Variants in HECTD4 observed in about 807,000 individuals in gnomAD.
The protein encoded by HECTD4 is HECT domain E3 ubiquitin protein ligase 4, also known as probable E3 ubiquitin-protein ligase HECTD4.
A neutral mutation model predicts 471.5 loss-of-function variants in HECTD4; 114 were observed. That is an observed-to-expected ratio of 0.24 (90% CI 0.21 to 0.28). The LOEUF (loss-of-function observed/expected upper bound fraction) is 0.28, where lower values mean the gene tolerates loss of function less well. Ranked by LOEUF, HECTD4 falls within the 10% of genes least tolerant of loss-of-function variation. HECTD4 has a pLI of 1.00. For missense variants in HECTD4, 3,866 were observed against 5,651.5 expected, an observed-to-expected ratio of 0.68 and a Z score of 10.13; for synonymous variants, 2,012 against 2,256.0, an observed-to-expected ratio of 0.89 and a Z score of 3.07.
At chr12:112,203,848 T>C in intron 53 of HECTD4, 76 bp from the exon 54 acceptor site, 1 of 815,342 alleles carries the variant, frequency 1.2e-6, no homozygotes, top group South Asian at 2.4e-5. Context: ...GCATCTAAAA[T>C]AGCTCTCCAG....
At position 112,207,603 on chromosome 12, in the gene HECTD4, T is replaced by C. The variant is rs548611225; in HGVS notation, c.8131+271A>G. On this transcript the variant is annotated intron_variant, in intron 52 of 75. Coordinates refer to ENST00000682272, the MANE Select transcript of HECTD4 (RefSeq NM_001388303.1). ...AAACAGTATGACTTCAGATGTGAAC[T>C]GTTAACCACCAGACCACAGAGTTTC... Among the ~76,000 whole-genome samples the C allele has an allele frequency of 1.5e-4, 23 of 152,284 alleles. No individual in the cohort carries two copies. In the South Asian group the frequency reaches 4.8e-3, roughly 32 times the overall value.
At chr12:112,238,564 C>A (rs1367355470) in intron 34 of HECTD4, among the ~76,000 whole-genome samples, 1 of 151,972 alleles carries the variant, frequency 6.6e-6, no homozygotes, top group East Asian at 1.9e-4. Flanking sequence ...TAAAAACAAA[C>A]AACAACAACA....
At chr12:112,204,166 T>C (rs1463505090) in intron 53 of HECTD4, among the ~76,000 whole-genome samples, 3 of 152,170 alleles carry the variant, frequency 2.0e-5, no homozygotes, top group Non-Finnish European at 4.4e-5. Flanking sequence ...CCTCAGCCTC[T>C]AGAGTAGCTG....
intron 1 of HECTD4, chr12:112,322,963 C>A: frequency 6.0e-6 from 1 of 166,786 alleles, no homozygotes; most frequent in South Asian, 1.6e-4. Flanking sequence ...CACACCCAGT[C>A]AACACACCTG....
At chr12:112,313,993 T>G (rs1318430158) in intron 3 of HECTD4, among the ~76,000 whole-genome samples, 1 of 152,168 alleles carries the variant, frequency 6.6e-6, no homozygotes, top group African/African-American at 2.4e-5. Context: ...CATTATACCT[T>G]AATATATTAT....
At position 112,335,022 on chromosome 12, in the gene HECTD4, G is replaced by T. The variant is rs138073165; in HGVS notation, c.178-15280C>A. On this transcript the variant is annotated intron_variant, in intron 1 of 75. Transcript: ENST00000682272. ...TACTGCATATCTACCCAGAAGAAAAGAAGTCATTATACAAAAAAGATACTT... is the reference window on the plus strand; with the variant it reads ...TACTGCATATCTACCCAGAAGAAAATAAGTCATTATACAAAAAAGATACTT... 5.0e-3 allele frequency among the ~76,000 whole-genome samples: 763 copies of T among 152,186 alleles called. 3 individuals carry two copies. Among genetic ancestry groups the T allele is most frequent in the South Asian group, 0.015 (73 of 4,818 alleles).
chr12:112,169,958 C>T, intron 69 of HECTD4: 1 of 559,024 alleles, frequency 1.8e-6, no homozygotes, highest in South Asian at 2.0e-5. Flanking sequence ...CTCTCGTTTC[C>T]TCTGCGCATA....
intron 70 of HECTD4, among the ~76,000 whole-genome samples, chr12:112,168,488 C>T (rs993652280): frequency 6.6e-6 from 1 of 152,238 alleles, no homozygotes; most frequent in Non-Finnish European, 1.5e-5. Context: ...TGTAAATCTC[C>T]TCTGGCCTTC....
chr12:112,213,205 G>T lies in HECTD4; in HGVS notation c.7466-555C>A, dbSNP rs192014429. ...TAGTGTCTGTGTTAAATTAGTTACC[G>T]CAATTACATATTAAATTTAGCCTTT... On this transcript the variant is annotated intron_variant, in intron 48 of 75. Transcript: ENST00000682272. This position sits in a 1 kb window ranked among gnomAD's most constrained non-coding sequence, Gnocchi z 4.0. 6.6e-6 allele frequency among the ~76,000 whole-genome samples: 1 copy of T among 151,942 alleles called. No individual in the cohort carries two copies. Among genetic ancestry groups the T allele is most frequent in the Non-Finnish European group, 1.5e-5 (1 of 68,006 alleles).
Position 112,184,355 on chromosome 12 carries a change from G to A in HECTD4, c.10611C>T (p.Asp3537=), listed in dbSNP as rs369755129. 5 of 1,612,544 alleles carry A rather than the reference G, an allele frequency of 3.1e-6. No homozygotes were observed. In the African/African-American group the frequency reaches 6.7e-5, roughly 22 times the overall value. ...PHAVSSQESL[D]ISLCSTGSLG... ...GGCTGCCGGTGCTGCACAGGGAAAT[G>A]TCCAGGCTTTCCTGGCTGGACACCG... is the stretch of plus-strand genomic sequence containing the variant. Residue 3537 remains aspartate, a synonymous_variant, in exon 61 of 76, where the codon GAC becomes GAT. Transcript: ENST00000682272. The surrounding 1 kb of genome is among the most constrained non-coding windows in gnomAD (Gnocchi z 9.1).
In HECTD4 at chr12:112,161,147, G is replaced by C. The variant is rs949163148; in HGVS notation, c.*1240C>G. ...CACAATATTATACAATAAATACAGCGATGTGATTCTGTGAGACCTGGCAAG... is the reference window on the plus strand; with the variant it reads ...CACAATATTATACAATAAATACAGCCATGTGATTCTGTGAGACCTGGCAAG... On this transcript the variant is annotated 3_prime_UTR_variant, in exon 76 of 76. Coordinates refer to ENST00000682272, the MANE Select transcript of HECTD4 (RefSeq NM_001388303.1). 6.6e-6 allele frequency: 1 copy of C among 152,214 alleles called. No homozygotes were observed. Among genetic ancestry groups the C allele is most frequent in the African/African-American group, 2.4e-5 (1 of 41,444 alleles). 9.4% of individuals were successfully genotyped at this position (152,214 alleles called of 1,614,324 possible).
chr12:112,232,423 C>G (rs1464045420), intron 38 of HECTD4, among the ~76,000 whole-genome samples: 3 of 152,218 alleles, frequency 2.0e-5, no homozygotes, highest in Non-Finnish European at 4.4e-5. Context: ...AGCCACAGTG[C>G]CTGGCCTATT....
At chr12:112,231,391 C>T in intron 39 of HECTD4, 122 bp downstream of exon 39, 1 of 862,276 alleles carries the variant, frequency 1.2e-6, no homozygotes, top group Non-Finnish European at 1.9e-6. Flanking sequence ...ACTACTACAG[C>T]AGATGGCGGC....
Position 112,229,694 on chromosome 12 carries a change from G to T in HECTD4, c.6519+4C>A, listed in dbSNP as rs2033327303. On this transcript the variant is annotated splice_donor_region_variant and intron_variant, in intron 41 of 75. Coordinates refer to ENST00000682272, the MANE Select transcript of HECTD4 (RefSeq NM_001388303.1). ...AATGATTTGGGGAACATGGTGGTTG[G>T]TACCTGAACCTCGGATCCTATCTTG... 6.2e-7 allele frequency: 1 copy of T among 1,609,250 alleles called. No individual in the cohort carries two copies. The highest frequency in any genetic ancestry group is 8.5e-7 in the Non-Finnish European group (1 of 1,176,782).
chr12:112,299,160 C>T (rs2035111008), intron 7 of HECTD4, among the ~76,000 whole-genome samples: 8 of 152,168 alleles, frequency 5.3e-5, no homozygotes, highest in Admixed American at 5.2e-4. Context: ...TCAACTATTG[C>T]CACACCTGTT....
intron 45 of HECTD4, among the ~76,000 whole-genome samples, chr12:112,217,448 G>A (rs1020057621): frequency 4.6e-5 from 7 of 152,102 alleles, no homozygotes; most frequent in African/African-American, 1.7e-4. Context: ...CAAGCTCCTG[G>A]GCTCAAGTGG....
At chr12:112,311,652 AAG>A (rs1296296061) in intron 4 of HECTD4, among the ~76,000 whole-genome samples, 1 of 151,460 alleles carries the variant, frequency 6.6e-6, no homozygotes, top group African/African-American at 2.4e-5. Flanking sequence ...AAAAAGAAAA[AAG>A]AGAGAGAGAA....
intron 1 of HECTD4, among the ~76,000 whole-genome samples, chr12:112,368,873 T>TA (rs957304483): frequency 2.6e-5 from 4 of 151,854 alleles, no homozygotes; most frequent in African/African-American, 7.3e-5. Context: ...TTCACATAGG[T>TA]AAAAAAAATG....
intron 1 of HECTD4, among the ~76,000 whole-genome samples, chr12:112,324,600 C>T (rs537384727): frequency 6.6e-6 from 1 of 152,156 alleles, no homozygotes; most frequent in Admixed American, 6.6e-5. Context: ...AAAAAATGAT[C>T]ACATTTCAAG....
Sources: allele counts gnomAD v4.1 joint callset (sites outside exome capture counted in the v4.1 genomes callset), GRCh38; gene constraint gnomAD v4.1.1; non-coding constraint Gnocchi (gnomAD v3.1); transcripts MANE v1.5; gene names NCBI Gene and HGNC (gene_info 2026-07-23, HGNC 2026-07-21).